RFX3: variants seen among roughly 807,000 people sequenced by gnomAD.
RFX3 encodes regulatory factor X3.
A neutral mutation model predicts 98.6 loss-of-function variants in RFX3; 14 were observed. The ratio of observed to expected loss-of-function variants is 0.14; its 90% CI spans 0.09 to 0.22. The LOEUF (loss-of-function observed/expected upper bound fraction) is 0.22. Ranked by LOEUF, RFX3 falls within the 10% of genes least tolerant of loss-of-function variation. RFX3 has a pLI of 1.00. For missense variants in RFX3, 639 were observed against 926.9 expected (o/e 0.69, Z 4.03); for synonymous variants, 383 against 328.4 (o/e 1.17, Z -1.80).
chr9:3,519,255 T>C (rs1818468862), intron 1 of RFX3, among the ~76,000 whole-genome samples: 1 of 152,152 alleles, frequency 6.6e-6, no homozygotes, highest in Non-Finnish European at 1.5e-5. Context: ...TGGGCTAGCA[T>C]TCTATTAATT....
At chr9:3,505,213 A>C (rs1392467888) in intron 1 of RFX3, among the ~76,000 whole-genome samples, 2 of 62,992 alleles carry the variant, frequency 3.2e-5, no homozygotes, top group African/African-American at 2.0e-4. Context: ...TATATATATG[A>C]ATATATATTT....
intron 3 of RFX3, among the ~76,000 whole-genome samples, chr9:3,332,713 G>A (rs1461529654): frequency 1.3e-5 from 2 of 152,072 alleles, no homozygotes; most frequent in Non-Finnish European, 2.9e-5. Context: ...ACATAATCTC[G>A]AGACTTGGTA....
chr9:3,331,546 G>T (rs191479394), intron 3 of RFX3, among the ~76,000 whole-genome samples: 422 of 152,142 alleles, frequency 2.8e-3, no homozygotes, highest in African/African-American at 9.0e-3. Flanking sequence ...TGAGAGTTTG[G>T]TGTATATGTT....
chr9:3,402,477 C>T (rs548355519), intron 1 of RFX3, among the ~76,000 whole-genome samples: 13 of 152,000 alleles, frequency 8.6e-5, no homozygotes, highest in South Asian at 4.1e-4. Flanking sequence ...TAAAAATAAA[C>T]GACATCTAAA....
At position 3,390,843 on chromosome 9, in the gene RFX3, C is replaced by G. The variant is rs150564709; in HGVS notation, c.117+4629G>C. Reference sequence around the variant, plus strand: ...AATGCTTTTTCCTGTATAAATTACCCAGTCTCATGTATGTCTTTATTACTA... The same window carrying G: ...AATGCTTTTTCCTGTATAAATTACCGAGTCTCATGTATGTCTTTATTACTA... On this transcript the variant is annotated intron_variant, in intron 2 of 16. Coordinates refer to ENST00000617270, the MANE Select transcript of RFX3 (RefSeq NM_001282116.2). Among the ~76,000 whole-genome samples, 4 of 152,206 alleles carry G rather than the reference C, an allele frequency of 2.6e-5. No individual in the cohort carries two copies. In the East Asian group the frequency reaches 7.7e-4, roughly 29 times the overall value.
intron 4 of RFX3, among the ~76,000 whole-genome samples, chr9:3,308,313 T>A (rs1200969532): frequency 2.0e-5 from 3 of 152,148 alleles, no homozygotes. Context: ...CCATTGTTGG[T>A]TCTCAGCCAA....
At chr9:3,324,287 T>C (rs1276511871) in intron 4 of RFX3, among the ~76,000 whole-genome samples, 1 of 152,210 alleles carries the variant, frequency 6.6e-6, no homozygotes, top group East Asian at 1.9e-4. Flanking sequence ...GCATAATTTA[T>C]GCATACTTCT....
At chr9:3,249,295 A>G (rs1274989522) in intron 14 of RFX3, among the ~76,000 whole-genome samples, 3 of 152,170 alleles carry the variant, frequency 2.0e-5, no homozygotes, top group South Asian at 2.1e-4. Flanking sequence ...TATGCATTCA[A>G]CTTGGCAAGT....
At chr9:3,344,843 G>C in intron 3 of RFX3, 1 of 715,626 alleles carries the variant, frequency 1.4e-6, no homozygotes, top group South Asian at 1.5e-5. Context: ...TAAGTTTATG[G>C]TGAAGATTCC....
At chr9:3,447,865 T>A (rs991974211) in intron 1 of RFX3, among the ~76,000 whole-genome samples, 4 of 152,206 alleles carry the variant, frequency 2.6e-5, no homozygotes, top group Admixed American at 1.3e-4. Context: ...AGTGCTTTTT[T>A]AATTATGCTA....
intron 1 of RFX3, among the ~76,000 whole-genome samples, chr9:3,446,087 C>T (rs973069656): frequency 1.6e-4 from 24 of 151,964 alleles, no homozygotes; most frequent in Admixed American, 1.6e-3. Flanking sequence ...TGCCCAAGCC[C>T]GATGCCTGAT....
At position 3,222,488 on chromosome 9, in the gene RFX3, A is replaced by T. The variant is rs1343840360; in HGVS notation, c.*2554T>A. 1 of 152,202 alleles carries T rather than the reference A, an allele frequency of 6.6e-6. No homozygotes were observed. Among genetic ancestry groups the T allele is most frequent in the Non-Finnish European group, 1.5e-5 (1 of 68,020 alleles). 9.4% of individuals were successfully genotyped at this position (152,202 alleles called of 1,614,324 possible). On this transcript the variant is annotated 3_prime_UTR_variant, in exon 17 of 17. Coordinates refer to ENST00000617270, the MANE Select transcript of RFX3 (RefSeq NM_001282116.2). ...TAATGATACAAATATATCCAACATT[A>T]AATTAAACAATGATAATAAATACAT... is the stretch of plus-strand genomic sequence containing the variant.
intron 13 of RFX3, among the ~76,000 whole-genome samples, chr9:3,257,507 T>C (rs10970999): frequency 0.049 from 7,501 of 152,228 alleles, 340 homozygotes; most frequent in African/African-American, 0.13. Flanking sequence ...CTTCAAAAAA[T>C]AGAAGTCTGA....
At position 3,429,122 on chromosome 9, in the gene RFX3, A is replaced by C. The variant is rs567752974; in HGVS notation, c.-8-33526T>G. Reference sequence around the variant, plus strand: ...ACTGCAAGCTCCGCCTCCCGGGTTCATGCCATTCTCCTGCCTCAGCCTCCC... The same window carrying C: ...ACTGCAAGCTCCGCCTCCCGGGTTCCTGCCATTCTCCTGCCTCAGCCTCCC... On this transcript the variant is annotated intron_variant, in intron 1 of 16. Transcript: ENST00000617270. 5.9e-4 allele frequency among the ~76,000 whole-genome samples: 88 copies of C among 149,034 alleles called. 2 individuals are homozygous for C. The South Asian group carries it at 0.011, about 19-fold the overall frequency.
At chr9:3,257,969 A>G (rs486358) in intron 13 of RFX3, among the ~76,000 whole-genome samples, 149,977 of 152,292 alleles carry the variant, frequency 0.98, 73,890 homozygotes, top group Middle Eastern at 1. Flanking sequence ...CTTTTCAGTG[A>G]TTGCCATAAG....
At chr9:3,431,333 G>A (rs1844638636) in intron 1 of RFX3, among the ~76,000 whole-genome samples, 1 of 152,128 alleles carries the variant, frequency 6.6e-6, no homozygotes, top group Admixed American at 6.5e-5. Context: ...AAGAAGCTGA[G>A]AAAAGTTACA....
chr9:3,358,963 C>G (rs1230385831), intron 2 of RFX3, among the ~76,000 whole-genome samples: 2 of 151,798 alleles, frequency 1.3e-5, no homozygotes, highest in Admixed American at 1.3e-4. Context: ...TCAATTATCT[C>G]CACCCGGTCC....
At chr9:3,338,886 G>A (rs559625321) in intron 3 of RFX3, among the ~76,000 whole-genome samples, 5 of 152,066 alleles carry the variant, frequency 3.3e-5, no homozygotes, top group African/African-American at 4.8e-5. Flanking sequence ...TCAGGAGTTC[G>A]AGACCACCGT....
intron 1 of RFX3, among the ~76,000 whole-genome samples, chr9:3,421,945 G>C (rs1453230950): frequency 6.6e-6 from 1 of 151,726 alleles, no homozygotes; most frequent in Non-Finnish European, 1.5e-5. Context: ...TGAAGCCAGA[G>C]ACTGTGCTCT....
Sources: allele counts gnomAD v4.1 joint callset (sites outside exome capture counted in the v4.1 genomes callset), GRCh38; gene constraint gnomAD v4.1.1; transcripts MANE v1.5; gene names NCBI Gene and HGNC (gene_info 2026-07-23, HGNC 2026-07-21).